UGGT1: variants seen among roughly 807,000 people sequenced by gnomAD.
UGGT1 encodes the protein UDP-glucose glycoprotein glucosyltransferase 1.
A neutral mutation model predicts 203.9 loss-of-function variants in UGGT1; 107 were observed. The ratio of observed to expected loss-of-function variants is 0.52; its 90% CI spans 0.45 to 0.62. UGGT1 has a LOEUF of 0.62. Among genes scored for constraint, UGGT1 ranks in the 20% least tolerant of loss-of-function variants. The pLI, the probability that UGGT1 is intolerant of heterozygous loss-of-function variation, is 0.00. For synonymous variants in UGGT1, 628 were observed against 653.5 expected, an observed-to-expected ratio of 0.96 and a Z score of 0.59; for missense variants, 1,673 against 1,867.2, an observed-to-expected ratio of 0.90 and a Z score of 1.92.
intron 16 of UGGT1, among the ~76,000 whole-genome samples, chr2:128,141,649 GTC>G: frequency 6.8e-6 from 1 of 148,030 alleles, no homozygotes; most frequent in South Asian, 2.3e-4. Context: ...CAGGCACCAT[GTC>G]TCAGCCTCCA....
At chr2:128,151,516 A>T (rs562291060) in intron 18 of UGGT1, among the ~76,000 whole-genome samples, 1 of 152,200 alleles carries the variant, frequency 6.6e-6, no homozygotes, top group Non-Finnish European at 1.5e-5. Context: ...TTTGATTTGT[A>T]TGATTGGTTC....
chr2:128,170,308 A>AG lies in UGGT1; in HGVS notation c.2944dup (p.Glu982GlyfsTer7). 6.2e-7 allele frequency: 1 copy of AG among 1,614,214 alleles called. No homozygotes were observed. The highest frequency in any genetic ancestry group is 1.1e-5 in the South Asian group (1 of 91,078). The stretch of plus-strand genomic sequence containing the variant: ...TTCAGTGCAATCAAACTGAGGCCGA[A>AG]GGAAGGGGAGACATACTTTGATGTT... On this transcript the variant is annotated frameshift_variant, in exon 27 of 41. Transcript: ENST00000259253. LOFTEE classifies it high-confidence loss of function.
At chr2:128,097,896 C>G (rs1193936357) in intron 2 of UGGT1, among the ~76,000 whole-genome samples, 2 of 152,168 alleles carry the variant, frequency 1.3e-5, no homozygotes, top group Non-Finnish European at 1.5e-5. Context: ...GGGTCTCGCT[C>G]TGTTGCCCAG....
intron 14 of UGGT1, 95 bp downstream of exon 14, chr2:128,133,355 T>C (rs1393002262): frequency 2.7e-6 from 4 of 1,490,930 alleles, no homozygotes; most frequent in Non-Finnish European, 3.7e-6. Context: ...TCACCTTTAC[T>C]AGCTGCTTCC....
chr2:128,165,772 A>C (rs13399924), intron 26 of UGGT1, among the ~76,000 whole-genome samples: 1 of 142,574 alleles, frequency 7.0e-6, no homozygotes, highest in African/African-American at 2.6e-5. Flanking sequence ...AACTTTTTTT[A>C]AAAAAAAAAA....
At chr2:128,116,720 T>G (rs1008115268) in intron 8 of UGGT1, among the ~76,000 whole-genome samples, 8 of 152,236 alleles carry the variant, frequency 5.3e-5, no homozygotes, top group African/African-American at 1.7e-4. Flanking sequence ...AGATGGTGTT[T>G]CGCCACGTTG....
chr2:128,179,715 T>C (rs543270794), intron 34 of UGGT1, 71 bp from the exon 35 acceptor site: 1 of 1,325,574 alleles, frequency 7.5e-7, no homozygotes, highest in Admixed American at 2.0e-5. Flanking sequence ...TGTCTCGTGA[T>C]TGACTCTACA....
At chr2:128,096,111 G>A (rs978053314) in intron 1 of UGGT1, among the ~76,000 whole-genome samples, 1 of 152,178 alleles carries the variant, frequency 6.6e-6, no homozygotes, top group African/African-American at 2.4e-5. Context: ...TCTGGATGCT[G>A]TCTGAGAGGA....
chr2:128,117,500 A>T (rs1688162963), intron 8 of UGGT1, among the ~76,000 whole-genome samples: 1 of 152,048 alleles, frequency 6.6e-6, no homozygotes, highest in South Asian at 2.1e-4. Flanking sequence ...CTGTTAATGT[A>T]AGCATCATAG....
intron 14 of UGGT1, among the ~76,000 whole-genome samples, chr2:128,133,591 G>T (rs1382059632): frequency 6.6e-6 from 1 of 151,754 alleles, no homozygotes; most frequent in Non-Finnish European, 1.5e-5. Context: ...TTTCTAATCA[G>T]CTTTTCCAGA....
intron 3 of UGGT1, among the ~76,000 whole-genome samples, chr2:128,105,244 G>A (rs1004350839): frequency 6.6e-6 from 1 of 150,832 alleles, no homozygotes; most frequent in African/African-American, 2.4e-5. Flanking sequence ...AAAATTGTCT[G>A]AATCTTTTTG....
intron 9 of UGGT1, 84 bp from the exon 10 acceptor site, chr2:128,121,115 A>G (rs1233955897): frequency 8.0e-7 from 1 of 1,250,050 alleles, no homozygotes; most frequent in East Asian, 2.3e-5. Context: ...CCATGAAAAG[A>G]GTGGGAAGTA....
At chr2:128,109,592 G>T in intron 4 of UGGT1, 42 bp from the exon 5 acceptor site, 1 of 1,476,184 alleles carries the variant, frequency 6.8e-7, no homozygotes, top group Non-Finnish European at 9.5e-7. Flanking sequence ...TCTCGTCTTT[G>T]GTTAGAAATT....
At chr2:128,113,353 CTA>C (rs1558760332) in intron 6 of UGGT1, 95 bp downstream of exon 6, 1 of 1,072,026 alleles carries the variant, frequency 9.3e-7, no homozygotes, top group African/African-American at 1.6e-5. Flanking sequence ...ATAAAAAAAT[CTA>C]GTTATTTGAA....
At chr2:128,104,795 C>T (rs1017028962) in intron 3 of UGGT1, among the ~76,000 whole-genome samples, 3 of 151,940 alleles carry the variant, frequency 2.0e-5, no homozygotes, top group South Asian at 2.1e-4. Context: ...TACAGGCATT[C>T]GCCACTACGC....
rs149321886 is a variant in UGGT1, at chr2:128,171,080, C to T, written c.3025-125C>T. ...GTAGAGTTGTGATTTCCAGAAGTTTCGCCAGTGCAGACTCTGTGGCTGTTA... is the reference window on the plus strand; with the variant it reads ...GTAGAGTTGTGATTTCCAGAAGTTTTGCCAGTGCAGACTCTGTGGCTGTTA... On this transcript the variant is annotated intron_variant, in intron 27 of 40. Transcript: ENST00000259253. 3.2e-4 allele frequency: 267 copies of T among 838,930 alleles called. 1 individual carries two copies. The African/African-American group carries it at 4.1e-3, about 13-fold the overall frequency. 52.0% of individuals were successfully genotyped at this position (838,930 alleles called of 1,614,324 possible). A position where few individuals can be genotyped will look rare whatever the true frequency, so the allele number is the denominator to read the frequency against.
In UGGT1 at chr2:128,091,262, C is replaced by G. The variant is rs528972815; in HGVS notation, c.-96C>G. On this transcript the variant is annotated 5_prime_UTR_variant, in exon 1 of 41. Transcript: ENST00000259253. The stretch of plus-strand genomic sequence containing the variant: ...GAGCCGCGGGAAAGGCGCGTGTCGG[C>G]CTCTCACTGGCGCAGCCTGCACTGC... 7.7e-7 allele frequency: 1 copy of G among 1,298,402 alleles called. No homozygotes were observed. The highest frequency in any genetic ancestry group is 1.0e-6 in the Non-Finnish European group (1 of 974,714). The allele number at this position is 1,298,402 out of a possible 1,614,324, so 80.4% of individuals were successfully genotyped here.
chr2:128,160,602 G>T lies in UGGT1; in HGVS notation c.2694+11G>T, dbSNP rs775374736. The stretch of plus-strand genomic sequence containing the variant: ...ATCAGCAATGGAAGGGTGAGGATTT[G>T]TCAAGCTTGACTTCACATTAGATCC... On this transcript the variant is annotated intron_variant, in intron 24 of 40. Coordinates refer to ENST00000259253, the MANE Select transcript of UGGT1 (RefSeq NM_020120.4). The T allele has an allele frequency of 3.1e-6, 5 of 1,606,634 alleles. No homozygotes were observed. The African/African-American group carries it at 5.4e-5, about 17-fold the overall frequency.
At chr2:128,163,708 C>T (rs562195539) in intron 25 of UGGT1, among the ~76,000 whole-genome samples, 19 of 130,162 alleles carry the variant, frequency 1.5e-4, no homozygotes, top group Admixed American at 1.1e-3. Flanking sequence ...AGTGAGACTC[C>T]GTCTCAAAAA....
Sources: gnomAD v4.1 joint callset for allele counts (sites outside exome capture counted in the v4.1 genomes callset) on GRCh38, gnomAD v4.1.1 for gene constraint, MANE v1.5 for transcripts, NCBI Gene and HGNC (gene_info 2026-07-23, HGNC 2026-07-21) for gene names.